TSPAN13: variants seen among roughly 807,000 people sequenced by gnomAD.
TSPAN13 encodes tetraspanin 13.
In TSPAN13, 18 loss-of-function variants were observed where a neutral mutation model predicts 26.9. That is an observed-to-expected ratio of 0.67 (90% confidence interval 0.46 to 0.99). The LOEUF is 0.99. Among genes scored for constraint, TSPAN13 ranks in the 50% least tolerant of loss-of-function variants. The pLI is 0.00. For synonymous variants in TSPAN13, 116 were observed against 98.4 expected (o/e 1.18, Z -1.06); for missense variants, 201 against 249.6 (o/e 0.81, Z 1.31).
intron 5 of TSPAN13, among the ~76,000 whole-genome samples, chr7:16,779,583 A>AC (rs981637775): frequency 1.4e-4 from 21 of 151,960 alleles, no homozygotes; most frequent in African/African-American, 4.8e-4. Flanking sequence ...GCCTTCTAAA[A>AC]CCTATGCATA....
chr7:16,777,206 A>C lies in TSPAN13; in HGVS notation c.312+84A>C, dbSNP rs564137263. 49 of 1,051,090 alleles carry C rather than the reference A, an allele frequency of 4.7e-5. 1 individual carries two copies. The South Asian group carries it at 6.2e-4, about 13-fold the overall frequency. 65.1% of individuals were successfully genotyped at this position (1,051,090 alleles called of 1,614,324 possible). A position where few individuals can be genotyped will look rare whatever the true frequency, so the allele number is the denominator to read the frequency against. On this transcript the variant is annotated intron_variant, in intron 3 of 5. Coordinates refer to ENST00000262067, the MANE Select transcript of TSPAN13 (RefSeq NM_014399.4). ...AGGAGGGTAATGATTAGAATATAAA[A>C]TAATTTCGTCTTGCACAGAATGCCA...
chr7:16,773,337 TA>T (rs34398039), intron 1 of TSPAN13, among the ~76,000 whole-genome samples: 2,496 of 143,304 alleles, frequency 0.017, 49 homozygotes, highest in African/African-American at 0.047. Context: ...TTTTGAATGT[TA>T]AAAAAAAAAA....
chr7:16,779,284 C>A (rs891524690), intron 5 of TSPAN13, among the ~76,000 whole-genome samples, 168 bp downstream of exon 5: 1 of 152,188 alleles, frequency 6.6e-6, no homozygotes, highest in African/African-American at 2.4e-5. Context: ...ATTAATAGCA[C>A]CAACTTTAGG....
Position 16,776,194 on chromosome 7 carries a change from C to T in TSPAN13, c.64-17C>T. 8 of 1,611,976 alleles carry T rather than the reference C, an allele frequency of 5.0e-6. No individual in the cohort carries two copies. Among genetic ancestry groups the T allele is most frequent in the Non-Finnish European group, 6.8e-6 (8 of 1,178,504 alleles). Reference sequence around the variant, plus strand: ...TCTCTCTCGTCCTCTACCCCTGCCCCCTGGGTGTTTTTGCAGTTGGTTAGT... The same window carrying T: ...TCTCTCTCGTCCTCTACCCCTGCCCTCTGGGTGTTTTTGCAGTTGGTTAGT... On this transcript the variant is annotated splice_polypyrimidine_tract_variant and intron_variant, in intron 1 of 5. Coordinates refer to ENST00000262067, the MANE Select transcript of TSPAN13 (RefSeq NM_014399.4).
At chr7:16,771,552 A>G (rs1361726863) in intron 1 of TSPAN13, among the ~76,000 whole-genome samples, 1 of 152,172 alleles carries the variant, frequency 6.6e-6, no homozygotes, top group Non-Finnish European at 1.5e-5. Flanking sequence ...TGATGTGCAT[A>G]TTTGAGGGGT....
intron 4 of TSPAN13, 58 bp from the exon 5 acceptor site, chr7:16,778,945 T>TA: frequency 7.4e-7 from 1 of 1,355,254 alleles, no homozygotes; most frequent in Non-Finnish European, 1.0e-6. Flanking sequence ...ATGCAGTTTT[T>TA]ATGGGCTTTT....
At chr7:16,761,207 G>A (rs1370692615) in intron 1 of TSPAN13, among the ~76,000 whole-genome samples, 1 of 152,128 alleles carries the variant, frequency 6.6e-6, no homozygotes, top group Non-Finnish European at 1.5e-5. Flanking sequence ...ATCACGGAGA[G>A]CCATAATGAA....
rs531968160 is a variant in TSPAN13, at chr7:16,754,801, G to A, written c.63+771G>A. Among the ~76,000 whole-genome samples, 3 of 152,032 alleles carry A rather than the reference G, an allele frequency of 2.0e-5. No individual in the cohort carries two copies. The East Asian group carries it at 5.8e-4, about 30-fold the overall frequency. On this transcript the variant is annotated intron_variant, in intron 1 of 5. Transcript: ENST00000262067. The stretch of plus-strand genomic sequence containing the variant: ...GCAGGCTCTCTTTGTGATTTTTTGA[G>A]GCGCAATTCTGGGTGAACAGGAGGA...
intron 4 of TSPAN13, among the ~76,000 whole-genome samples, 199 bp downstream of exon 4, chr7:16,778,110 A>G (rs184493753): frequency 5.9e-5 from 9 of 152,326 alleles, no homozygotes. Context: ...GAGAATTTCA[A>G]GGCCCTATTG....
At chr7:16,770,969 T>C (rs1265064081) in intron 1 of TSPAN13, among the ~76,000 whole-genome samples, 2 of 152,240 alleles carry the variant, frequency 1.3e-5, no homozygotes, top group African/African-American at 4.8e-5. Flanking sequence ...GGATAGGTTG[T>C]TGTGGTTTTT....
Position 16,783,436 on chromosome 7 carries a change from C to T in TSPAN13, c.560C>T (p.Thr187Ile). 6.2e-7 allele frequency: 1 copy of T among 1,613,662 alleles called. No homozygotes were observed. Among genetic ancestry groups the T allele is most frequent in the Non-Finnish European group, 8.5e-7 (1 of 1,179,790 alleles). ...SFTEILGVWL[T>I]YRYRNQKDPR... is the part of the protein sequence containing the mutation. The stretch of plus-strand genomic sequence containing the variant: ...TTCCAGATCCTGGGTGTTTGGCTGA[C>T]CTACAGATACAGGAACCAGAAAGAC... Residue 187 changes from threonine (T) to isoleucine (I), a missense_variant, in exon 6 of 6, where the codon ACC becomes ATC. Transcript: ENST00000262067.
chr7:16,768,960 T>C (rs546324264), intron 1 of TSPAN13, among the ~76,000 whole-genome samples: 1 of 152,234 alleles, frequency 6.6e-6, no homozygotes, highest in East Asian at 1.9e-4. Flanking sequence ...CACTGCAAAC[T>C]CTGCCTCCTG....
intron 1 of TSPAN13, among the ~76,000 whole-genome samples, chr7:16,760,229 T>C (rs2115322236): frequency 1.3e-5 from 2 of 152,278 alleles, no homozygotes; most frequent in East Asian, 3.9e-4. Flanking sequence ...TAAGAATATA[T>C]TATAGATGGC....
chr7:16,780,978 A>G (rs1784808005), intron 5 of TSPAN13, among the ~76,000 whole-genome samples: 1 of 152,208 alleles, frequency 6.6e-6, no homozygotes, highest in Non-Finnish European at 1.5e-5. Context: ...TATTTTGCTC[A>G]ATATTCACAG....
At chr7:16,781,226 A>G (rs1784810411) in intron 5 of TSPAN13, among the ~76,000 whole-genome samples, 1 of 152,234 alleles carries the variant, frequency 6.6e-6, no homozygotes, top group Admixed American at 6.5e-5. Flanking sequence ...TACTAAAATT[A>G]CCTACTCAGA....
chr7:16,766,006 T>C (rs1308210431), intron 1 of TSPAN13, among the ~76,000 whole-genome samples: 2 of 152,224 alleles, frequency 1.3e-5, no homozygotes, highest in Non-Finnish European at 2.9e-5. Context: ...CACATAATTA[T>C]CACTACTGAG....
chr7:16,767,158 C>A (rs1387234563), intron 1 of TSPAN13, among the ~76,000 whole-genome samples: 1 of 152,206 alleles, frequency 6.6e-6, no homozygotes, highest in Non-Finnish European at 1.5e-5. Context: ...TAAAGGCCAA[C>A]TCTCCAGTCC....
rs1025463319 is a variant in TSPAN13, at chr7:16,783,652, T to G, written c.*161T>G. On this transcript the variant is annotated 3_prime_UTR_variant, in exon 6 of 6. Coordinates refer to ENST00000262067, the MANE Select transcript of TSPAN13 (RefSeq NM_014399.4). ...TTTTACTCTATGTTTCTCTACATGT[T>G]TTTTTCTTTCCGTTGCTGAAAAATA... is the stretch of plus-strand genomic sequence containing the variant. 1 of 701,688 alleles carries G rather than the reference T, an allele frequency of 1.4e-6. No individual in the cohort carries two copies. Among genetic ancestry groups the G allele is most frequent in the African/African-American group, 1.8e-5 (1 of 56,218 alleles). 43.5% of individuals were successfully genotyped at this position (701,688 alleles called of 1,614,324 possible).
chr7:16,775,681 A>C (rs1210368819), intron 1 of TSPAN13: 1 of 152,314 alleles, frequency 6.6e-6, no homozygotes, highest in Non-Finnish European at 1.5e-5. Flanking sequence ...GCTTGGAAAC[A>C]CAATGTGTGA....
Sources: allele counts gnomAD v4.1 joint callset (sites outside exome capture counted in the v4.1 genomes callset), GRCh38; gene constraint gnomAD v4.1.1; transcripts MANE v1.5; gene names NCBI Gene and HGNC (gene_info 2026-07-23, HGNC 2026-07-21).